Variants in ATP10D observed in about 807,000 individuals in gnomAD.
ATP10D encodes the protein phospholipid-transporting ATPase VD.
Under a neutral mutation model 144.8 loss-of-function variants are expected in ATP10D, and 89 were observed. The observed-to-expected ratio is 0.61, with a 90% confidence interval of 0.52 to 0.73. ATP10D has a LOEUF of 0.73. Among genes scored for constraint, ATP10D ranks in the 30% least tolerant of loss-of-function variants. The pLI is 0.00. For missense variants in ATP10D, 1,603 were observed against 1,714.8 expected, an observed-to-expected ratio of 0.93 and a Z score of 1.15; for synonymous variants, 571 against 615.1, an observed-to-expected ratio of 0.93 and a Z score of 1.06.
intron 1 of ATP10D, among the ~76,000 whole-genome samples, chr4:47,491,684 A>T (rs1310006918): frequency 6.6e-6 from 1 of 152,086 alleles, no homozygotes; most frequent in African/African-American, 2.4e-5. Flanking sequence ...TGAACTACTC[A>T]TTGTTACTTA....
chr4:47,582,273 C>T (rs1232120603), intron 21 of ATP10D, among the ~76,000 whole-genome samples: 1 of 152,134 alleles, frequency 6.6e-6, no homozygotes, highest in Non-Finnish European at 1.5e-5. Flanking sequence ...ACCTGCCTTG[C>T]TCCCTTTGGT....
At chr4:47,558,841 G>T (rs943379558) in intron 12 of ATP10D, 82 bp from the exon 13 acceptor site, 3 of 1,155,808 alleles carry the variant, frequency 2.6e-6, no homozygotes, top group Non-Finnish European at 3.7e-6. Context: ...TTTTAGTGTG[G>T]ATAAAACTAC....
At chr4:47,501,357 A>G (rs1283652292) in intron 1 of ATP10D, among the ~76,000 whole-genome samples, 1 of 152,260 alleles carries the variant, frequency 6.6e-6, no homozygotes, top group East Asian at 1.9e-4. Flanking sequence ...AGCAGTAAAA[A>G]TGGGTAACCT....
intron 19 of ATP10D, chr4:47,578,163 T>A (rs1436110416): frequency 6.6e-6 from 1 of 152,228 alleles, no homozygotes; most frequent in Non-Finnish European, 1.5e-5. Context: ...AGCATGTAGC[T>A]ATTGATAAAA....
intron 16 of ATP10D, among the ~76,000 whole-genome samples, chr4:47,570,774 G>T (rs73238607): frequency 0.13 from 20,217 of 150,852 alleles, 1,640 homozygotes; most frequent in Non-Finnish European, 0.19. Flanking sequence ...CTGAATTACA[G>T]CCTAGGAGAC....
chr4:47,584,280 T>C (rs1720673159), intron 21 of ATP10D, among the ~76,000 whole-genome samples: 1 of 152,226 alleles, frequency 6.6e-6, no homozygotes, highest in African/African-American at 2.4e-5. Flanking sequence ...TTACCCAGTA[T>C]TCTTTGACTT....
Position 47,572,173 on chromosome 4 carries a change from T to C in ATP10D, c.3183T>C (p.Val1061=). Residue 1061 remains valine (V), a synonymous_variant, in exon 17 of 23, where the codon GTT becomes GTC. Coordinates refer to ENST00000273859, the MANE Select transcript of ATP10D (RefSeq NM_020453.4). The part of the protein sequence containing the change: ...TLAIGDGAND[V]SMIQVADIGI... Reference sequence around the variant, plus strand: ...ATGAAGGTGATGGTGCCAATGATGTTAGCATGATACAAGTGGCAGACATTG... The same window carrying C: ...ATGAAGGTGATGGTGCCAATGATGTCAGCATGATACAAGTGGCAGACATTG... 1 of 1,614,122 alleles carries C rather than the reference T, an allele frequency of 6.2e-7. No individual in the cohort carries two copies. Among genetic ancestry groups the C allele is most frequent in the Non-Finnish European group, 8.5e-7 (1 of 1,180,000 alleles).
At position 47,554,848 on chromosome 4, in the gene ATP10D, C is replaced by G. The variant is rs377124199; in HGVS notation, c.1758C>G (p.Asp586Glu). 2.1e-5 allele frequency: 34 copies of G among 1,613,996 alleles called. No individual in the cohort carries two copies. Among genetic ancestry groups the G allele is most frequent in the Non-Finnish European group, 2.8e-5 (33 of 1,180,006 alleles). ...CAATGGAAACTTTGTACATTATCGA[C>G]TTTTTCATTGCATTGGCAATTTGCA... ...NPPMETLYII[D>E]FFIALAICNT... Residue 586 changes from aspartate (D) to glutamate (E), a missense_variant, in exon 11 of 23, where the codon GAC becomes GAG. Transcript: ENST00000273859.
At position 47,591,417 on chromosome 4, in the gene ATP10D, T is replaced by C; in HGVS notation, c.*36T>C. 1 of 1,510,116 alleles carries C rather than the reference T, an allele frequency of 6.6e-7. No homozygotes were observed. The highest frequency in any genetic ancestry group is 1.3e-5 in the South Asian group (1 of 77,382). The allele number at this position is 1,510,116 out of a possible 1,614,324, so 93.5% of individuals were successfully genotyped here. On this transcript the variant is annotated 3_prime_UTR_variant, in exon 23 of 23. Transcript: ENST00000273859. Reference sequence around the variant, plus strand: ...TGGAGTTGCAAGTATTCTTTCAAGGTTGGAAGAGGGATTTTGAAGAGGTAT... The same window carrying C: ...TGGAGTTGCAAGTATTCTTTCAAGGCTGGAAGAGGGATTTTGAAGAGGTAT...
chr4:47,555,471 T>C (rs1029447994), intron 11 of ATP10D, among the ~76,000 whole-genome samples: 1 of 152,196 alleles, frequency 6.6e-6, no homozygotes, highest in African/African-American at 2.4e-5. Context: ...AGTTAGAAGC[T>C]ATTACCCTAC....
intron 18 of ATP10D, among the ~76,000 whole-genome samples, chr4:47,574,522 A>C (rs1210046985): frequency 1.3e-5 from 2 of 152,324 alleles, no homozygotes; most frequent in East Asian, 3.9e-4. Flanking sequence ...CCCCCAGAAT[A>C]GCACCCCAAA....
Position 47,554,740 on chromosome 4 carries a change from A to T in ATP10D, c.1650A>T (p.Val550=). ...AFSSPIETDV[V]PDTRLLDKFS... Reference sequence around the variant, plus strand: ...TGGATCTTCAGGAAACAGACGTGGTACCAGACACCAGGCTTTTAGACAAAT... The same window carrying T: ...TGGATCTTCAGGAAACAGACGTGGTTCCAGACACCAGGCTTTTAGACAAAT... Residue 550 remains valine (V), a synonymous_variant, in exon 11 of 23, where the codon GTA becomes GTT. Transcript: ENST00000273859. 6.2e-7 allele frequency: 1 copy of T among 1,612,370 alleles called. No individual in the cohort carries two copies. The highest frequency in any genetic ancestry group is 8.5e-7 in the Non-Finnish European group (1 of 1,178,978).
intron 1 of ATP10D, among the ~76,000 whole-genome samples, chr4:47,487,790 A>G (rs1714849242): frequency 6.6e-6 from 1 of 152,166 alleles, no homozygotes; most frequent in Non-Finnish European, 1.5e-5. Flanking sequence ...AATGCTACTC[A>G]ATAAAAGGTA....
intron 21 of ATP10D, chr4:47,582,753 T>C (rs1720586274): frequency 6.6e-6 from 1 of 152,202 alleles, no homozygotes; most frequent in Non-Finnish European, 1.5e-5. Context: ...ATCAAAAATA[T>C]AATTTCCCCC....
At chr4:47,575,492 T>C (rs1456712840) in intron 18 of ATP10D, among the ~76,000 whole-genome samples, 1 of 152,170 alleles carries the variant, frequency 6.6e-6, no homozygotes, top group Non-Finnish European at 1.5e-5. Flanking sequence ...CCAAGCAAGC[T>C]GGGATGGCTG....
intron 4 of ATP10D, among the ~76,000 whole-genome samples, chr4:47,524,276 C>G (rs1231331922): frequency 1.3e-5 from 2 of 152,018 alleles, no homozygotes; most frequent in Non-Finnish European, 2.9e-5. Flanking sequence ...CTCCGTCTTA[C>G]ACTTAGAAAC....
At position 47,536,423 on chromosome 4, in the gene ATP10D, GTATT is replaced by G. The variant is rs1393845170; in HGVS notation, c.1016-12_1016-9del. On this transcript the variant is annotated splice_polypyrimidine_tract_variant and intron_variant, in intron 7 of 22. Transcript: ENST00000273859. The stretch of plus-strand genomic sequence containing the variant: ...TATTTAGCATCCTTTTGATGTCTGT[GTATT>G]TTTTGAAAGGTCATGGAATCTGGCT... 1 of 1,610,430 alleles carries G rather than the reference GTATT, an allele frequency of 6.2e-7. No individual in the cohort carries two copies. Among genetic ancestry groups the G allele is most frequent in the East Asian group, 2.2e-5 (1 of 44,848 alleles).
At position 47,590,976 on chromosome 4, in the gene ATP10D, T is replaced by TGTG. The variant is rs1721004782; in HGVS notation, c.3942-65_3942-64insTGG. On this transcript the variant is annotated intron_variant, in intron 22 of 22. Coordinates refer to ENST00000273859, the MANE Select transcript of ATP10D (RefSeq NM_020453.4). ...TTTACTTTTTTAATTCGTTAGTATTTGGGGGGGGGGGTTCTGTAATGCATT... is the reference window on the plus strand; with the variant it reads ...TTTACTTTTTTAATTCGTTAGTATTTGTGGGGGGGGGGGGTTCTGTAATGCATT... The TGTG allele has an allele frequency of 7.3e-6, 7 of 956,226 alleles. No homozygotes were observed. In the Admixed American group the frequency reaches 2.2e-4, roughly 30 times the overall value. 59.2% of individuals were successfully genotyped at this position (956,226 alleles called of 1,614,324 possible). A position where few individuals can be genotyped will look rare whatever the true frequency, so the allele number is the denominator to read the frequency against.
At chr4:47,586,913 A>C in intron 21 of ATP10D, 106 bp from the exon 22 acceptor site, 1 of 956,740 alleles carries the variant, frequency 1.0e-6, no homozygotes, top group Admixed American at 2.2e-5. Flanking sequence ...TACACCATTC[A>C]TCCAGTGCTT....
Sources: gnomAD v4.1 joint callset for allele counts (sites outside exome capture counted in the v4.1 genomes callset) on GRCh38, gnomAD v4.1.1 for gene constraint, MANE v1.5 for transcripts, NCBI Gene and HGNC (gene_info 2026-07-23, HGNC 2026-07-21) for gene names.